Variants in ALDH1A2 observed in about 807,000 individuals in gnomAD.
The protein encoded by ALDH1A2 is retinal dehydrogenase 2.
ALDH1A2 carries 27 observed loss-of-function variants against 60.3 expected under a neutral mutation model. The observed-to-expected ratio is 0.45, with a 90% CI of 0.33 to 0.62. The LOEUF (loss-of-function observed/expected upper bound fraction) is 0.62, where lower values mean the gene tolerates loss of function less well. Ranked by LOEUF, ALDH1A2 falls within the 20% of genes least tolerant of loss-of-function variation. ALDH1A2 has a pLI of 0.02. For missense variants in ALDH1A2, 581 were observed against 643.8 expected, an observed-to-expected ratio of 0.90 and a Z score of 1.06; for synonymous variants, 289 against 232.4, an observed-to-expected ratio of 1.24 and a Z score of -2.21.
chr15:57,980,104 C>A, intron 7 of ALDH1A2: 1 of 303,242 alleles, frequency 3.3e-6, no homozygotes, highest in South Asian at 3.5e-5. Flanking sequence ...CATACACGGT[C>A]ATGCCCAACT....
chr15:57,991,876 T>C (rs767359954), intron 7 of ALDH1A2, among the ~76,000 whole-genome samples: 1 of 152,200 alleles, frequency 6.6e-6, no homozygotes, highest in Non-Finnish European at 1.5e-5. Context: ...TGAATCAGAC[T>C]TTCCTATCAT....
chr15:57,955,233 C>G lies in ALDH1A2; in HGVS notation c.1521G>C (p.Lys507Asn), dbSNP rs751479287. Residue 507 changes from lysine to asparagine, a missense_variant, in exon 13 of 13, where the codon AAG becomes AAC. Lys to Asn is a moderately conservative substitution (Grantham distance 94). Coordinates refer to ENST00000249750, the MANE Select transcript of ALDH1A2 (RefSeq NM_003888.4). The stretch of plus-strand genomic sequence containing the variant: ...TCTGGGGGATCTTTACTGTCACCGT[C>G]TTAACTTCTGAGTACTCCCGCAAGC... ...EFGLREYSEV[K>N]TVTVKIPQKN... 1.2e-6 allele frequency: 2 copies of G among 1,614,126 alleles called. No homozygotes were observed. Among genetic ancestry groups the G allele is most frequent in the Non-Finnish European group, 1.7e-6 (2 of 1,180,024 alleles).
Position 58,013,933 on chromosome 15 carries a change from C to T in ALDH1A2, c.288G>A (p.Arg96=). The T allele has an allele frequency of 6.2e-7, 1 of 1,614,142 alleles. No homozygotes were observed. ...GACGTCCCCTTTCTGAAGCATCCAT[C>T]CTTCTCCACACTGAACCAAGAGAGA... ...LAFSLGSVWR[R]MDASERGRLL... The change falls in exon 3 of 13, where the codon AGG becomes AGA. Residue 96 remains arginine (R), a synonymous_variant. Coordinates refer to ENST00000249750, the MANE Select transcript of ALDH1A2 (RefSeq NM_003888.4).
At chr15:58,018,420 G>A (rs762277034) in intron 1 of ALDH1A2, among the ~76,000 whole-genome samples, 1 of 151,886 alleles carries the variant, frequency 6.6e-6, no homozygotes, top group African/African-American at 2.4e-5. Context: ...AGAGATGATG[G>A]GATTAGATGA....
intron 1 of ALDH1A2, among the ~76,000 whole-genome samples, chr15:58,047,975 A>G (rs1193486373): frequency 6.6e-6 from 1 of 152,098 alleles, no homozygotes; most frequent in East Asian, 1.9e-4. Context: ...ATGGTTTTAG[A>G]AAGCTTGCTT....
At chr15:57,984,592 A>G (rs1894634463) in intron 7 of ALDH1A2, among the ~76,000 whole-genome samples, 2 of 152,196 alleles carry the variant, frequency 1.3e-5, no homozygotes, top group South Asian at 2.1e-4. Flanking sequence ...CCTATTCTGG[A>G]TATTTCATAC....
chr15:57,963,026 G>C (rs1257138224), intron 9 of ALDH1A2, among the ~76,000 whole-genome samples: 3 of 152,080 alleles, frequency 2.0e-5, no homozygotes, highest in African/African-American at 4.8e-5. Flanking sequence ...TAAAGTACAC[G>C]AGGCCTTCAG....
At chr15:58,023,149 T>A (rs1035008256) in intron 1 of ALDH1A2, among the ~76,000 whole-genome samples, 2 of 152,114 alleles carry the variant, frequency 1.3e-5, no homozygotes, top group African/African-American at 4.8e-5. Context: ...AATTTTTTTT[T>A]AAAGAAACAA....
intron 1 of ALDH1A2, among the ~76,000 whole-genome samples, chr15:58,033,850 A>G (rs866043611): frequency 1.4e-5 from 2 of 146,188 alleles, no homozygotes; most frequent in Middle Eastern, 3.5e-3. Context: ...ATTTTTCTGT[A>G]TTTTTTTTTT....
chr15:57,988,689 A>C (rs941971265), intron 7 of ALDH1A2, among the ~76,000 whole-genome samples: 16 of 152,214 alleles, frequency 1.1e-4, no homozygotes, highest in African/African-American at 3.9e-4. Flanking sequence ...AAATGGGTGC[A>C]TTTTATTGTA....
chr15:57,979,550 C>T (rs1894406413), intron 7 of ALDH1A2, among the ~76,000 whole-genome samples: 2 of 152,174 alleles, frequency 1.3e-5, no homozygotes, highest in African/African-American at 2.4e-5. Context: ...CTGCGAAGGA[C>T]CAAGGCAAGG....
At chr15:58,015,228 A>G (rs1027798544) in intron 1 of ALDH1A2, among the ~76,000 whole-genome samples, 2 of 152,212 alleles carry the variant, frequency 1.3e-5, no homozygotes, top group Non-Finnish European at 2.9e-5. Context: ...AAAAACAATG[A>G]TAATTATTTA....
chr15:58,026,562 G>A (rs1291591604), intron 1 of ALDH1A2, among the ~76,000 whole-genome samples: 1 of 152,162 alleles, frequency 6.6e-6, no homozygotes, highest in Non-Finnish European at 1.5e-5. Context: ...CGCAGGGTGG[G>A]ACATCACCTC....
intron 7 of ALDH1A2, among the ~76,000 whole-genome samples, chr15:57,988,036 C>T (rs1264123711): frequency 6.6e-6 from 1 of 152,052 alleles, no homozygotes; most frequent in Non-Finnish European, 1.5e-5. Flanking sequence ...GGGCCTACAA[C>T]ACAAACAAGG....
In ALDH1A2 at chr15:58,035,767, C is replaced by A. The variant is rs556069926; in HGVS notation, c.118-21486G>T. On this transcript the variant is annotated intron_variant, in intron 1 of 12. Transcript: ENST00000249750. ...TAATTCCACTGTAATCTGAGAATAT[C>A]TTTTTTGCATAATTTCTACTTTTTT... is the stretch of plus-strand genomic sequence containing the variant. 8.6e-5 allele frequency among the ~76,000 whole-genome samples: 13 copies of A among 151,658 alleles called. No individual in the cohort carries two copies. The South Asian group carries it at 2.5e-3, about 29-fold the overall frequency.
Position 57,960,840 on chromosome 15 carries a change from T to A in ALDH1A2, c.1414A>T (p.Asn472Tyr). 6.2e-7 allele frequency: 1 copy of A among 1,613,888 alleles called. No homozygotes were observed. Among genetic ancestry groups the A allele is most frequent in the East Asian group, 2.2e-5 (1 of 44,876 alleles). ...TGGGCATTTAAGGCATTGTAACAAT[T>A]GATCCTGAAAGAAGAAAACATAGCA... Reference protein sequence around the residue: ...SAMQAGTVWINCYNALNAQSP... With the variant: ...SAMQAGTVWIYCYNALNAQSP... Residue 472 changes from asparagine to tyrosine, a missense_variant, in exon 12 of 13, where the codon AAT becomes TAT. By Grantham distance (143) the Asn-to-Tyr change is moderately radical. Coordinates refer to ENST00000249750, the MANE Select transcript of ALDH1A2 (RefSeq NM_003888.4).
chr15:57,973,053 A>G (rs1488035102), intron 7 of ALDH1A2, among the ~76,000 whole-genome samples: 1 of 152,190 alleles, frequency 6.6e-6, no homozygotes, highest in East Asian at 1.9e-4. Context: ...GTTAGCTACA[A>G]ACATTTGTTT....
intron 1 of ALDH1A2, among the ~76,000 whole-genome samples, chr15:58,052,007 G>C (rs978849912): frequency 6.6e-6 from 1 of 152,094 alleles, no homozygotes; most frequent in Non-Finnish European, 1.5e-5. Context: ...TTTTCACCAA[G>C]ACTCAAAGGA....
At chr15:58,036,176 A>T (rs565193002) in intron 1 of ALDH1A2, among the ~76,000 whole-genome samples, 2 of 151,820 alleles carry the variant, frequency 1.3e-5, no homozygotes, top group South Asian at 4.1e-4. Context: ...GAAATTCCTT[A>T]AAAAATCTAC....
Sources: allele counts gnomAD v4.1 joint callset (sites outside exome capture counted in the v4.1 genomes callset), GRCh38; gene constraint gnomAD v4.1.1; transcripts MANE v1.5; gene names NCBI Gene and HGNC (gene_info 2026-07-23, HGNC 2026-07-21).